The following PCDH15 variants were observed in gnomAD, a reference collection of about 807,000 sequenced individuals.
PCDH15 encodes the protein protocadherin-15.
Under a neutral mutation model 178.5 loss-of-function variants are expected in PCDH15, and 129 were observed. The observed-to-expected ratio is 0.72, with a 90% CI of 0.63 to 0.84. The LOEUF is 0.84. PCDH15 is among the 40% of genes least tolerant of loss of function. The probability of loss-of-function intolerance (pLI) is 0.00; values close to 1 mark genes in which losing one functional copy is unlikely to be tolerated. For missense variants in PCDH15, 2,230 were observed against 2,099.9 expected (o/e 1.06, Z -1.21); for synonymous variants, 800 against 732.0 (o/e 1.09, Z -1.50).
intron 3 of PCDH15, among the ~76,000 whole-genome samples, chr10:54,500,849 C>A (rs1244592149): frequency 6.6e-6 from 1 of 151,878 alleles, no homozygotes; most frequent in African/African-American, 2.4e-5. Flanking sequence ...AAATGCCCAT[C>A]AATGATAGAC....
chr10:54,165,047 TTTG>T (rs1185633322), intron 13 of PCDH15, among the ~76,000 whole-genome samples: 3 of 152,218 alleles, frequency 2.0e-5, no homozygotes, highest in Admixed American at 6.5e-5. Context: ...TGCTTTTATG[TTTG>T]TTGATTTCTT....
At chr10:54,231,472 A>T (rs2054062038) in intron 9 of PCDH15, among the ~76,000 whole-genome samples, 1 of 152,258 alleles carries the variant, frequency 6.6e-6, no homozygotes, top group East Asian at 1.9e-4. Flanking sequence ...CTACCAGGGC[A>T]GTGTGGAAGG....
At chr10:54,565,707 C>T (rs1432434272) in intron 2 of PCDH15, among the ~76,000 whole-genome samples, 1 of 152,174 alleles carries the variant, frequency 6.6e-6, no homozygotes, top group Non-Finnish European at 1.5e-5. Flanking sequence ...AAATTAAAAA[C>T]TTAATTTCTC....
intron 15 of PCDH15, among the ~76,000 whole-genome samples, chr10:54,093,578 T>G (rs1911417): frequency 2.6e-5 from 4 of 151,954 alleles, no homozygotes; most frequent in African/African-American, 9.7e-5. Flanking sequence ...TGTGTGTATA[T>G]GTGCCCTAAA....
rs542059743 is a variant in PCDH15, at chr10:55,158,121, A to G, written c.-80+8455T>C. On this transcript the variant is annotated intron_variant, in intron 2 of 5. Transcript: ENST00000458638. ...ATACACATATCTTTTATAATTATTA[A>G]GTTGCCACTCTAGAAGTGAAGAAAT... Among the ~76,000 whole-genome samples, 532 of 149,252 alleles carry G rather than the reference A, an allele frequency of 3.6e-3. 3 individuals carry two copies. The highest frequency in any genetic ancestry group is 0.013 in the African/African-American group (516 of 40,892).
chr10:54,529,950 TAATACCTACTGAA>T (rs1462946316), intron 2 of PCDH15, among the ~76,000 whole-genome samples: 1 of 152,006 alleles, frequency 6.6e-6, no homozygotes, highest in Non-Finnish European at 1.5e-5. Flanking sequence ...GCCAATGCCA[TAATACCTACTGAA>T]AATAGATAAA....
intron 3 of PCDH15, among the ~76,000 whole-genome samples, chr10:54,395,791 G>A (rs924460687): frequency 1.3e-4 from 20 of 152,186 alleles, no homozygotes; most frequent in African/African-American, 4.3e-4. Context: ...TAATCATGCT[G>A]TATCTGAGAA....
intron 1 of PCDH15, among the ~76,000 whole-genome samples, chr10:55,316,029 A>G (rs1843714256): frequency 6.6e-6 from 1 of 152,166 alleles, no homozygotes; most frequent in South Asian, 2.1e-4. Context: ...ACAAAACAAA[A>G]CAAAATAAAA....
At chr10:53,811,681 T>C in intron 35 of PCDH15, 62 bp from the exon 36 acceptor site, 1 of 1,062,964 alleles carries the variant, frequency 9.4e-7, no homozygotes, top group Non-Finnish European at 1.4e-6. Flanking sequence ...CAGGTCAAAG[T>C]CAGATTTCTA....
At chr10:54,296,464 C>A (rs556493954) in intron 8 of PCDH15, among the ~76,000 whole-genome samples, 165 of 152,086 alleles carry the variant, frequency 1.1e-3, no homozygotes, top group African/African-American at 3.9e-3. Flanking sequence ...CCTGGGTCCT[C>A]ATGCCTGTCA....
intron 2 of PCDH15, among the ~76,000 whole-genome samples, chr10:54,932,783 C>T (rs890697413): frequency 1.2e-4 from 18 of 151,974 alleles, no homozygotes; most frequent in South Asian, 2.1e-4. Flanking sequence ...ATGATCCACC[C>T]GCCTCGGCCT....
chr10:55,452,077 T>G (rs1839448196), intron 2 of PCDH15, among the ~76,000 whole-genome samples: 1 of 152,354 alleles, frequency 6.6e-6, no homozygotes, highest in East Asian at 1.9e-4. Context: ...AGAGATATTT[T>G]TGTCTTTCCA....
intron 1 of PCDH15, among the ~76,000 whole-genome samples, chr10:55,233,241 G>A (rs779796683): frequency 1.3e-5 from 2 of 151,830 alleles, no homozygotes; most frequent in African/African-American, 2.4e-5. Flanking sequence ...TAACTTTCAC[G>A]TTTCTCCTTT....
At chr10:54,677,289 A>G (rs917546236) in intron 1 of PCDH15, among the ~76,000 whole-genome samples, 1 of 152,078 alleles carries the variant, frequency 6.6e-6, no homozygotes, top group Admixed American at 6.6e-5. Context: ...CTGATGGGGG[A>G]GGATGGTTTG....
intron 2 of PCDH15, among the ~76,000 whole-genome samples, chr10:55,397,721 G>A (rs1038075555): frequency 6.6e-6 from 1 of 152,054 alleles, no homozygotes; most frequent in Non-Finnish European, 1.5e-5. Context: ...GAGTAGCTGG[G>A]ATAACAGGCG....
chr10:54,934,395 T>G (rs887485103), intron 2 of PCDH15, among the ~76,000 whole-genome samples: 9 of 152,274 alleles, frequency 5.9e-5, no homozygotes, highest in Non-Finnish European at 1.3e-4. Flanking sequence ...ACTAAAAATT[T>G]TTTTTATTGA....
intron 2 of PCDH15, among the ~76,000 whole-genome samples, chr10:55,619,161 T>C (rs547739614): frequency 2.6e-5 from 4 of 152,166 alleles, no homozygotes; most frequent in African/African-American, 7.2e-5. Context: ...TTTTGGCTTA[T>C]ATACTAAAAG....
intron 3 of PCDH15, among the ~76,000 whole-genome samples, chr10:54,390,449 C>A (rs182487756): frequency 3.3e-4 from 50 of 152,208 alleles, no homozygotes; most frequent in Non-Finnish European, 6.3e-4. Context: ...CCCACCACCA[C>A]GCCCGGCTAA....
intron 2 of PCDH15, among the ~76,000 whole-genome samples, chr10:55,003,666 G>A (rs1478961770): frequency 6.6e-6 from 1 of 152,156 alleles, no homozygotes; most frequent in Non-Finnish European, 1.5e-5. Flanking sequence ...GGACACAATT[G>A]TAGGAACTGA....
Sources: gnomAD v4.1 joint callset for allele counts (sites outside exome capture counted in the v4.1 genomes callset) on GRCh38, gnomAD v4.1.1 for gene constraint, MANE v1.5 for transcripts, NCBI Gene and HGNC (gene_info 2026-07-23, HGNC 2026-07-21) for gene names.